The following DERA variants were observed in gnomAD, a reference collection of about 807,000 sequenced individuals.
DERA encodes the protein deoxyribose-phosphate aldolase.
DERA carries 15 observed loss-of-function variants against 41.1 expected under a neutral mutation model. The observed-to-expected ratio is 0.37, with a 90% confidence interval of 0.24 to 0.56. The LOEUF is 0.56. DERA is among the 20% of genes least tolerant of loss of function. The pLI is 0.81. For missense variants in DERA, 396 were observed against 403.4 expected (o/e 0.98, Z 0.16); for synonymous variants, 139 against 137.4 (o/e 1.01, Z -0.08).
intron 1 of DERA, among the ~76,000 whole-genome samples, chr12:15,952,431 GACT>G (rs1411746507): frequency 2.6e-5 from 4 of 151,982 alleles, no homozygotes; most frequent in African/African-American, 9.7e-5. Flanking sequence ...GATCTTCTCT[GACT>G]TCTGGTCACC....
rs1948747140 is a variant in DERA at position 15,983,782 on chromosome 12, A to G, written c.637+1346A>G. ...ATTCCTTGGAACTCTACTGAAAATC[A>G]GCCTACTAGTCAGCAATGGTGCTGT... On this transcript the variant is annotated intron_variant, in intron 6 of 8. Transcript: ENST00000428559. This position sits in a 1 kb window ranked among gnomAD's most constrained non-coding sequence, Gnocchi z 6.2. Among the ~76,000 whole-genome samples, 1 of 152,196 alleles carries G rather than the reference A, an allele frequency of 6.6e-6. No individual in the cohort carries two copies.
rs1949130122 is a variant in DERA, at chr12:16,036,524, C to T, written c.900+143C>T. The T allele has an allele frequency of 1.8e-6, 2 of 1,141,878 alleles. No homozygotes were observed. Among genetic ancestry groups the T allele is most frequent in the Admixed American group, 5.5e-5 (2 of 36,098 alleles). 70.7% of individuals were successfully genotyped at this position (1,141,878 alleles called of 1,614,324 possible). ...TCCTCTACCTTTTCTTCCAAGCAAA[C>T]CGCCATCAGAAGTGAGTAGGGTGGA... On this transcript the variant is annotated intron_variant, in intron 8 of 8. Transcript: ENST00000428559. This position sits in a 1 kb window ranked among gnomAD's most constrained non-coding sequence, Gnocchi z 4.9.
intron 1 of DERA, among the ~76,000 whole-genome samples, chr12:15,952,521 A>G (rs147205901): frequency 6.6e-6 from 1 of 152,334 alleles, no homozygotes; most frequent in East Asian, 1.9e-4. Flanking sequence ...TAAATTTTCA[A>G]GTGTACACAT....
In DERA at chr12:15,931,890, G is replaced by C. The variant is rs1425245593; in HGVS notation, c.31+20476G>C. On this transcript the variant is annotated intron_variant, in intron 1 of 8. Coordinates refer to ENST00000428559, the MANE Select transcript of DERA (RefSeq NM_015954.4). The surrounding 1 kb of genome is among the most constrained non-coding windows in gnomAD (Gnocchi z 4.6). The stretch of plus-strand genomic sequence containing the variant: ...TGCTTCGTCTCTTGAGGAAGATCTT[G>C]TGAGTTTTTTTGCACATACCTGCTA... Among the ~76,000 whole-genome samples, 1 of 152,150 alleles carries C rather than the reference G, an allele frequency of 6.6e-6. No homozygotes were observed. The highest frequency in any genetic ancestry group is 2.4e-5 in the African/African-American group (1 of 41,420).
chr12:15,943,260 G>C lies in DERA; in HGVS notation c.32-13676G>C, dbSNP rs1948421480. On this transcript the variant is annotated intron_variant, in intron 1 of 8. Transcript: ENST00000428559. The surrounding 1 kb of genome is among the most constrained non-coding windows in gnomAD (Gnocchi z 4.5). ...GAGATTGAGTAGCTCTTATTTGTTT[G>C]AAGACAAATTTTAAACGCAGAGTAG... Among the ~76,000 whole-genome samples, 1 of 152,180 alleles carries C rather than the reference G, an allele frequency of 6.6e-6. No homozygotes were observed. Among genetic ancestry groups the C allele is most frequent in the African/African-American group, 2.4e-5 (1 of 41,456 alleles).
rs1949119287 is a variant in DERA, at chr12:16,035,199, G to A, written c.751-1033G>A. Among the ~76,000 whole-genome samples the A allele has an allele frequency of 6.6e-6, 1 of 152,126 alleles. No individual in the cohort carries two copies. Among genetic ancestry groups the A allele is most frequent in the Non-Finnish European group, 1.5e-5 (1 of 68,022 alleles). On this transcript the variant is annotated intron_variant, in intron 7 of 8. Coordinates refer to ENST00000428559, the MANE Select transcript of DERA (RefSeq NM_015954.4). The surrounding 1 kb of genome is among the most constrained non-coding windows in gnomAD (Gnocchi z 4.1). Reference sequence around the variant, plus strand: ...ATTGTCAGGACTTAAATATTGATTGGGTGTGGTGTGGCCAGGGAATGGTGG... The same window carrying A: ...ATTGTCAGGACTTAAATATTGATTGAGTGTGGTGTGGCCAGGGAATGGTGG...
chr12:15,976,399 C>T lies in DERA; in HGVS notation c.509-5909C>T, dbSNP rs796204224. On this transcript the variant is annotated intron_variant, in intron 5 of 8. Transcript: ENST00000428559. The surrounding 1 kb of genome is among the most constrained non-coding windows in gnomAD (Gnocchi z 4.1). The stretch of plus-strand genomic sequence containing the variant: ...TTCACTTTCCCCAGAGCTGACTGCA[C>T]GTCCCCCTCACCTCGCCTCCATCAT... Among the ~76,000 whole-genome samples, 4 of 152,290 alleles carry T rather than the reference C, an allele frequency of 2.6e-5. No homozygotes were observed. The highest frequency in any genetic ancestry group is 7.2e-5 in the African/African-American group (3 of 41,550).
At chr12:15,961,063 C>T (rs1031857884) in intron 4 of DERA, among the ~76,000 whole-genome samples, 8 of 152,120 alleles carry the variant, frequency 5.3e-5, no homozygotes, top group Admixed American at 1.3e-4. Flanking sequence ...AGAGGCGTGA[C>T]GTGATCAGCT....
rs1459720284 is a variant in DERA, at chr12:15,990,598, C to T, written c.637+8162C>T. 6.6e-6 allele frequency among the ~76,000 whole-genome samples: 1 copy of T among 152,084 alleles called. No homozygotes were observed. The highest frequency in any genetic ancestry group is 1.5e-5 in the Non-Finnish European group (1 of 68,024). On this transcript the variant is annotated intron_variant, in intron 6 of 8. Transcript: ENST00000428559. The surrounding 1 kb of genome is among the most constrained non-coding windows in gnomAD (Gnocchi z 4.3). The stretch of plus-strand genomic sequence containing the variant: ...GTCGTTTTTTCTGATCCTCTTCCTC[C>T]TTCCACCCTCCAAACTCCAAAAGAC...
At chr12:16,024,046 GA>G (rs571365802) in intron 6 of DERA, among the ~76,000 whole-genome samples, 14 of 152,034 alleles carry the variant, frequency 9.2e-5, no homozygotes, top group African/African-American at 2.9e-4. Context: ...AACTGCTGAG[GA>G]AAAAAATCAG....
chr12:15,977,429 C>T (rs1948705063), intron 5 of DERA, among the ~76,000 whole-genome samples: 1 of 152,172 alleles, frequency 6.6e-6, no homozygotes, highest in Non-Finnish European at 1.5e-5. Flanking sequence ...TGGAGCAAGT[C>T]ATTTATCTCT....
At chr12:15,946,619 C>T (rs1183405548) in intron 1 of DERA, among the ~76,000 whole-genome samples, 3 of 150,808 alleles carry the variant, frequency 2.0e-5, no homozygotes, top group Non-Finnish European at 4.4e-5. Flanking sequence ...TCTCTGTTTT[C>T]TTCTTTATTA....
In DERA at chr12:15,988,764, C is replaced by G. The variant is rs1295543709; in HGVS notation, c.637+6328C>G. Among the ~76,000 whole-genome samples the G allele has an allele frequency of 1.3e-5, 2 of 152,158 alleles. No homozygotes were observed. Among genetic ancestry groups the G allele is most frequent in the Non-Finnish European group, 2.9e-5 (2 of 68,030 alleles). ...CCTTCCTGCCTAGGAACCTGTCTGC[C>G]TCCCACCACCATCATCATGTTGTCC... On this transcript the variant is annotated intron_variant, in intron 6 of 8. Coordinates refer to ENST00000428559, the MANE Select transcript of DERA (RefSeq NM_015954.4). This position sits in a 1 kb window ranked among gnomAD's most constrained non-coding sequence, Gnocchi z 6.0.
At chr12:15,930,817 C>T (rs1338541829) in intron 1 of DERA, among the ~76,000 whole-genome samples, 1 of 151,962 alleles carries the variant, frequency 6.6e-6, no homozygotes, top group African/African-American at 2.4e-5. Context: ...TGGGAGAGGT[C>T]TTGTATTACC....
chr12:15,993,771 C>T lies in DERA; in HGVS notation c.637+11335C>T, dbSNP rs1365280750. On this transcript the variant is annotated intron_variant, in intron 6 of 8. Coordinates refer to ENST00000428559, the MANE Select transcript of DERA (RefSeq NM_015954.4). This position sits in a 1 kb window ranked among gnomAD's most constrained non-coding sequence, Gnocchi z 4.4. Reference sequence around the variant, plus strand: ...AAAAATTTTATAAAGTTTACCCCCACCTGGCCCCTCGCTATCCTTTGTTGA... The same window carrying T: ...AAAAATTTTATAAAGTTTACCCCCATCTGGCCCCTCGCTATCCTTTGTTGA... Among the ~76,000 whole-genome samples, 2 of 152,062 alleles carry T rather than the reference C, an allele frequency of 1.3e-5. No homozygotes were observed. The highest frequency in any genetic ancestry group is 2.9e-5 in the Non-Finnish European group (2 of 68,012).
At chr12:15,945,978 A>C (rs557695141) in intron 1 of DERA, among the ~76,000 whole-genome samples, 2 of 152,146 alleles carry the variant, frequency 1.3e-5, no homozygotes, top group Non-Finnish European at 2.9e-5. Context: ...TTCTGCATCT[A>C]TTGAGATAAT....
intron 5 of DERA, among the ~76,000 whole-genome samples, chr12:15,975,131 A>C (rs1428726673): frequency 1.3e-5 from 2 of 152,242 alleles, no homozygotes; most frequent in Non-Finnish European, 2.9e-5. Flanking sequence ...TAATTCACAC[A>C]GAGCCAGCTG....
chr12:15,917,586 A>G (rs866473370), intron 1 of DERA, among the ~76,000 whole-genome samples: 2 of 152,346 alleles, frequency 1.3e-5, no homozygotes, highest in East Asian at 1.9e-4. Context: ...AACACAAGTA[A>G]CTTGCTTATT....
intron 2 of DERA, 38 bp from the exon 3 acceptor site, chr12:15,958,150 T>C (rs1948554375): frequency 1.3e-6 from 2 of 1,504,114 alleles, no homozygotes; most frequent in South Asian, 2.7e-5. Context: ...TTTGTTTATT[T>C]ATTAAATTTA....
Sources: gnomAD v4.1 joint callset for allele counts (sites outside exome capture counted in the v4.1 genomes callset) on GRCh38, gnomAD v4.1.1 for gene constraint, Gnocchi (gnomAD v3.1) non-coding constraint, MANE v1.5 for transcripts, NCBI Gene and HGNC (gene_info 2026-07-23, HGNC 2026-07-21) for gene names.